Variants in EZH1 observed in about 807,000 individuals in gnomAD.
EZH1 encodes histone-lysine N-methyltransferase EZH1.
EZH1 carries 33 observed loss-of-function variants against 100.5 expected under a neutral mutation model. The observed-to-expected ratio is 0.33, with a 90% CI of 0.25 to 0.44. The LOEUF (loss-of-function observed/expected upper bound fraction) is 0.44. Among genes scored for constraint, EZH1 ranks in the 20% least tolerant of loss-of-function variants. The pLI is 1.00. For missense variants in EZH1, 475 were observed against 928.4 expected (o/e 0.51, Z 6.35); for synonymous variants, 272 against 313.8 (o/e 0.87, Z 1.41).
chr17:42,708,943 C>A (rs2053418077), intron 13 of EZH1, 27 bp from the exon 14 acceptor site: 1 of 1,613,982 alleles, frequency 6.2e-7, no homozygotes. Context: ...GGACAGGTCT[C>A]AGTCACGGCC....
Position 42,706,877 on chromosome 17 carries a change from A to G in EZH1, c.1661-692T>C, listed in dbSNP as rs1267572925. Among the ~76,000 whole-genome samples, 2 of 152,156 alleles carry G rather than the reference A, an allele frequency of 1.3e-5. No individual in the cohort carries two copies. The highest frequency in any genetic ancestry group is 1.5e-5 in the Non-Finnish European group (1 of 68,012). Reference sequence around the variant, plus strand: ...TTTGAGAACAGAATGCATCCGTTCTATGCCATCCTTCTCCACCCACTGCCC... The same window carrying G: ...TTTGAGAACAGAATGCATCCGTTCTGTGCCATCCTTCTCCACCCACTGCCC... On this transcript the variant is annotated intron_variant, in intron 15 of 20. Coordinates refer to ENST00000428826, the MANE Select transcript of EZH1 (RefSeq NM_001991.5). The surrounding 1 kb of genome is among the most constrained non-coding windows in gnomAD (Gnocchi z 4.4).
At chr17:42,735,842 A>G (rs2054055112) in intron 1 of EZH1, among the ~76,000 whole-genome samples, 1 of 152,132 alleles carries the variant, frequency 6.6e-6, no homozygotes, top group African/African-American at 2.4e-5. Context: ...AAAATTAGCC[A>G]GGCGTGGTGG....
chr17:42,722,696 C>A, intron 6 of EZH1, 99 bp downstream of exon 6: 1 of 1,214,102 alleles, frequency 8.2e-7, no homozygotes, highest in Non-Finnish European at 1.2e-6. Context: ...GTGTGTACCC[C>A]ATGGGGCAGA....
In EZH1 at chr17:42,731,262, C is replaced by T. The variant is rs79198491; in HGVS notation, c.-102-344G>A. ...CCTCCCAAGTAGCTGGGACTATAGG[C>T]GCGCACCACCATAGCCGGCCAAATT... On this transcript the variant is annotated intron_variant, in intron 1 of 20. Transcript: ENST00000428826. 1.4e-3 allele frequency among the ~76,000 whole-genome samples: 208 copies of T among 152,012 alleles called. 4 individuals are homozygous for T. In the East Asian group the frequency reaches 0.036, roughly 26 times the overall value.
In EZH1 at chr17:42,742,871, CT is replaced by C. The variant is rs200989200; in HGVS notation, c.-103+2139del. On this transcript the variant is annotated intron_variant, in intron 1 of 20. Coordinates refer to ENST00000428826, the MANE Select transcript of EZH1 (RefSeq NM_001991.5). ...TGCGTTTTTAAGTACTTCTCTCTCC[CT>C]TTTTTTTTTCTTTTTTGAGATGGAG... 7.4e-5 allele frequency among the ~76,000 whole-genome samples: 11 copies of C among 149,510 alleles called. No individual in the cohort carries two copies. In the South Asian group the frequency reaches 1.1e-3, roughly 14 times the overall value.
intron 10 of EZH1, among the ~76,000 whole-genome samples, chr17:42,714,987 TTATA>T (rs2053568783): frequency 7.2e-6 from 1 of 138,928 alleles, no homozygotes; most frequent in Non-Finnish European, 1.5e-5. Context: ...ATAAATATAT[TTATA>T]TATAATTTAT....
intron 6 of EZH1, among the ~76,000 whole-genome samples, chr17:42,720,736 C>T (rs1462714344): frequency 2.6e-5 from 4 of 151,968 alleles, no homozygotes; most frequent in East Asian, 1.9e-4. Flanking sequence ...CTTGGCTCAC[C>T]GCAACCTCCA....
In EZH1 at chr17:42,713,346, T is replaced by C. The variant is rs776879514; in HGVS notation, c.1067A>G (p.Lys356Arg). The change falls in exon 11 of 21, where the codon AAG becomes AGG. Residue 356 changes from lysine to arginine, a missense_variant. Physicochemically the swap from Lys to Arg is conservative, Grantham distance 26. Transcript: ENST00000428826. Reference sequence around the variant, plus strand: ...CCTTCTCCGGCGACGACCAGAGCACTTGGAGCGGGGGTTGTGGAGCATGGC... The same window carrying C: ...CCTTCTCCGGCGACGACCAGAGCACCTGGAGCGGGGGTTGTGGAGCATGGC... ...EYAMLHNPRS[K>R]CSGRRRRRHH... The C allele has an allele frequency of 6.2e-7, 1 of 1,611,698 alleles. No homozygotes were observed. The highest frequency in any genetic ancestry group is 1.1e-5 in the South Asian group (1 of 91,036).
At chr17:42,733,293 C>T (rs1268270943) in intron 1 of EZH1, among the ~76,000 whole-genome samples, 1 of 147,904 alleles carries the variant, frequency 6.8e-6, no homozygotes, top group Non-Finnish European at 1.5e-5. Context: ...GCCGAGATTG[C>T]GCCATTGCAC....
At chr17:42,744,365 CA>C (rs1196145686) in intron 1 of EZH1, among the ~76,000 whole-genome samples, 1 of 152,064 alleles carries the variant, frequency 6.6e-6, no homozygotes, top group Non-Finnish European at 1.5e-5. Flanking sequence ...GGCGTGAGAC[CA>C]AAAGTCTGGA....
rs2053260802 is a variant in EZH1 at position 42,702,433 on chromosome 17, T to C, written c.*99A>G. 2.9e-6 allele frequency: 3 copies of C among 1,028,952 alleles called. No individual in the cohort carries two copies. The highest frequency in any genetic ancestry group is 4.3e-6 in the Non-Finnish European group (3 of 694,236). The allele number at this position is 1,028,952 out of a possible 1,614,324, so 63.7% of individuals were successfully genotyped here. On this transcript the variant is annotated 3_prime_UTR_variant, in exon 21 of 21. Coordinates refer to ENST00000428826, the MANE Select transcript of EZH1 (RefSeq NM_001991.5). ...GGGAGTGGGTTGGGGGGTTTCTCAG[T>C]GTGGGAGACACAGTGCAGGAGACTC...
chr17:42,743,156 A>G lies in EZH1; in HGVS notation c.-103+1855T>C, dbSNP rs565466325. 4.7e-5 allele frequency among the ~76,000 whole-genome samples: 7 copies of G among 148,776 alleles called. No homozygotes were observed. The South Asian group carries it at 1.1e-3, about 23-fold the overall frequency. Reference sequence around the variant, plus strand: ...AGTGCTGGGATTACAGGCCTGAGCCACTGTGCCAGGCCTCCTTTTTTTTTT... The same window carrying G: ...AGTGCTGGGATTACAGGCCTGAGCCGCTGTGCCAGGCCTCCTTTTTTTTTT... On this transcript the variant is annotated intron_variant, in intron 1 of 20. Transcript: ENST00000428826.
intron 1 of EZH1, among the ~76,000 whole-genome samples, chr17:42,735,006 G>GAAAGA (rs999292356): frequency 2.5e-5 from 2 of 78,692 alleles, no homozygotes; most frequent in African/African-American, 4.9e-5. Context: ...AAAAGAAGAG[G>GAAAGA]AAAGAAAAGA....
chr17:42,716,752 A>C (rs531343269), intron 10 of EZH1, among the ~76,000 whole-genome samples: 18 of 152,080 alleles, frequency 1.2e-4, no homozygotes, highest in African/African-American at 4.3e-4. Context: ...AGGCTGGAGT[A>C]CAGTGGCGTG....
chr17:42,734,591 A>G (rs1242369791), intron 1 of EZH1, among the ~76,000 whole-genome samples: 2 of 151,054 alleles, frequency 1.3e-5, no homozygotes, highest in East Asian at 3.9e-4. Flanking sequence ...TCACCTAAGC[A>G]TGGGGAGGTA....
At chr17:42,702,621 G>A in intron 20 of EZH1, 29 bp from the exon 21 acceptor site, 1 of 1,553,870 alleles carries the variant, frequency 6.4e-7, no homozygotes, top group Non-Finnish European at 8.7e-7. Flanking sequence ...GAGGAACCAG[G>A]TTACTCTCAT....
At chr17:42,732,540 G>A (rs191259141) in intron 1 of EZH1, among the ~76,000 whole-genome samples, 31 of 152,166 alleles carry the variant, frequency 2.0e-4, no homozygotes, top group Middle Eastern at 3.4e-3. Context: ...AGGCCGAGGC[G>A]GGCAGATGAT....
rs2053442768 is a variant in EZH1 at position 42,709,935 on chromosome 17, G to C, written c.1404C>G (p.Val468=). 1 of 1,613,976 alleles carries C rather than the reference G, an allele frequency of 6.2e-7. No homozygotes were observed. The highest frequency in any genetic ancestry group is 8.5e-7 in the Non-Finnish European group (1 of 1,179,972). ...GTGATTCTTTGACTGCAAACTGAAA[G>C]ACCTGGAAGAGAAATCCAACGGGCC... ...RLLGTKTCKQ[V]FQFAVKESLI... The change falls in exon 13 of 21, where the codon GTC becomes GTG. Residue 468 remains valine (V), a splice_region_variant and synonymous_variant. Transcript: ENST00000428826.
intron 12 of EZH1, among the ~76,000 whole-genome samples, chr17:42,711,153 T>C (rs1356917056): frequency 6.6e-6 from 1 of 151,962 alleles, no homozygotes; most frequent in Non-Finnish European, 1.5e-5. Context: ...CTGGCCAACA[T>C]GGTGAAACCC....
Sources: gnomAD v4.1 joint callset for allele counts (sites outside exome capture counted in the v4.1 genomes callset) on GRCh38, gnomAD v4.1.1 for gene constraint, Gnocchi (gnomAD v3.1) non-coding constraint, MANE v1.5 for transcripts, NCBI Gene and HGNC (gene_info 2026-07-23, HGNC 2026-07-21) for gene names.